PHF20: variants seen among roughly 807,000 people sequenced by gnomAD.
The protein encoded by PHF20 is PHD finger protein 20, also known as glioma-expressed antigen 2.
Under a neutral mutation model 113.5 loss-of-function variants are expected in PHF20, and 23 were observed. That is an observed-to-expected ratio of 0.20 (90% CI 0.15 to 0.29). The LOEUF (loss-of-function observed/expected upper bound fraction) is 0.29. Ranked by LOEUF, PHF20 falls within the 10% of genes least tolerant of loss-of-function variation. PHF20 has a pLI of 1.00. For missense variants in PHF20, 943 were observed against 1,219.6 expected (o/e 0.77, Z 3.38); for synonymous variants, 434 against 457.3 (o/e 0.95, Z 0.65).
intron 1 of PHF20, among the ~76,000 whole-genome samples, chr20:35,789,003 G>C (rs1171133134): frequency 6.6e-6 from 1 of 152,210 alleles, no homozygotes; most frequent in African/African-American, 2.4e-5. Flanking sequence ...TCAGCATAGA[G>C]TGATGAATGC....
intron 6 of PHF20, among the ~76,000 whole-genome samples, chr20:35,869,226 T>G (rs771690926): frequency 6.6e-6 from 1 of 152,182 alleles, no homozygotes; most frequent in African/African-American, 2.4e-5. Context: ...AGGAGGTCAA[T>G]TGGCAAGGTA....
chr20:35,845,057 C>T (rs890815257), intron 3 of PHF20, among the ~76,000 whole-genome samples: 1 of 152,070 alleles, frequency 6.6e-6, no homozygotes, highest in Non-Finnish European at 1.5e-5. Flanking sequence ...AGTTCTGGAC[C>T]CTGGCTTGCC....
chr20:35,908,204 C>T (rs956169931), intron 10 of PHF20, among the ~76,000 whole-genome samples: 1 of 152,218 alleles, frequency 6.6e-6, no homozygotes, highest in African/African-American at 2.4e-5. Flanking sequence ...CTGCAGGAGA[C>T]TTCCTGTGCA....
At chr20:35,796,016 A>C (rs2041659897) in intron 1 of PHF20, among the ~76,000 whole-genome samples, 1 of 151,950 alleles carries the variant, frequency 6.6e-6, no homozygotes. Flanking sequence ...ATGCCCAGCT[A>C]ATTTTTGTAT....
At chr20:35,872,251 G>C (rs939363876) in intron 9 of PHF20, among the ~76,000 whole-genome samples, 2 of 151,598 alleles carry the variant, frequency 1.3e-5, no homozygotes, top group Non-Finnish European at 2.9e-5. Context: ...GGCTGGGCGC[G>C]ATGGCTCATG....
At chr20:35,835,910 A>G (rs1184774352) in intron 2 of PHF20, among the ~76,000 whole-genome samples, 5 of 152,222 alleles carry the variant, frequency 3.3e-5, no homozygotes, top group African/African-American at 1.2e-4. Flanking sequence ...AGCCTGGGCA[A>G]CAGCATGAGA....
At chr20:35,857,901 T>TA (rs2042867699) in intron 4 of PHF20, among the ~76,000 whole-genome samples, 1 of 152,188 alleles carries the variant, frequency 6.6e-6, no homozygotes, top group African/African-American at 2.4e-5. Flanking sequence ...TGAGAGCTAT[T>TA]ACTGCCCCCG....
intron 1 of PHF20, among the ~76,000 whole-genome samples, chr20:35,790,539 G>A (rs929139178): frequency 3.7e-4 from 57 of 152,122 alleles, no homozygotes; most frequent in African/African-American, 1.4e-3. Context: ...CCTATATGAT[G>A]GTTTGAAGTA....
intron 1 of PHF20, among the ~76,000 whole-genome samples, chr20:35,797,875 C>T (rs1053998727): frequency 6.6e-6 from 1 of 151,902 alleles, no homozygotes; most frequent in Non-Finnish European, 1.5e-5. Flanking sequence ...TTGTCTCGAT[C>T]TCTTGACCTT....
intron 13 of PHF20, among the ~76,000 whole-genome samples, chr20:35,925,260 C>CT (rs763188818): frequency 0.014 from 1,899 of 134,808 alleles, 36 homozygotes; most frequent in East Asian, 0.039. Flanking sequence ...TTTATTGAGA[C>CT]TTTTTTTTTT....
intron 1 of PHF20, among the ~76,000 whole-genome samples, chr20:35,778,081 TTTTA>T (rs1265404559): frequency 6.6e-6 from 1 of 152,040 alleles, no homozygotes; most frequent in Non-Finnish European, 1.5e-5. Flanking sequence ...TTTTTATTAA[TTTTA>T]TTTATTTATT....
intron 7 of PHF20, among the ~76,000 whole-genome samples, chr20:35,870,294 A>T (rs2054396430): frequency 7.7e-6 from 1 of 130,096 alleles, no homozygotes; most frequent in African/African-American, 3.0e-5. Context: ...AGAGAGCGAG[A>T]CTCCGTCTCA....
chr20:35,918,053 A>G (rs1398050167), intron 13 of PHF20, among the ~76,000 whole-genome samples: 2 of 152,128 alleles, frequency 1.3e-5, no homozygotes, highest in Non-Finnish European at 2.9e-5. Context: ...TTAAGATCCA[A>G]AGTCATGCAG....
chr20:35,810,505 G>C (rs941073869), intron 2 of PHF20, among the ~76,000 whole-genome samples: 1 of 152,132 alleles, frequency 6.6e-6, no homozygotes, highest in African/African-American at 2.4e-5. Context: ...CACTGAGAGG[G>C]AGACTACCTG....
At chr20:35,935,717 C>T (rs1484114445) in intron 15 of PHF20, among the ~76,000 whole-genome samples, 1 of 152,156 alleles carries the variant, frequency 6.6e-6, no homozygotes, top group Non-Finnish European at 1.5e-5. Context: ...AGAGAAATTA[C>T]TTTGTTTGTA....
chr20:35,921,076 A>T (rs1043311103), intron 13 of PHF20, among the ~76,000 whole-genome samples: 2 of 152,190 alleles, frequency 1.3e-5, no homozygotes. Flanking sequence ...GACTTGGAGC[A>T]CTTCAGTGGC....
intron 2 of PHF20, among the ~76,000 whole-genome samples, chr20:35,836,945 C>T (rs1477796262): frequency 4.6e-5 from 7 of 152,044 alleles, no homozygotes; most frequent in Non-Finnish European, 5.9e-5. Flanking sequence ...CCAAGGCCAG[C>T]GATCGCTTGA....
At chr20:35,825,992 T>C (rs913171773) in intron 2 of PHF20, among the ~76,000 whole-genome samples, 23 of 152,192 alleles carry the variant, frequency 1.5e-4, no homozygotes. Context: ...GTCCCTCTCC[T>C]ACCCCCAAAG....
At chr20:35,873,707 G>A (rs558329715) in intron 9 of PHF20, among the ~76,000 whole-genome samples, 1 of 151,536 alleles carries the variant, frequency 6.6e-6, no homozygotes, top group Admixed American at 6.6e-5. Flanking sequence ...TATTATTTGT[G>A]TTTTGTTGTT....
Sources: allele counts gnomAD v4.1 joint callset (sites outside exome capture counted in the v4.1 genomes callset), GRCh38; gene constraint gnomAD v4.1.1; transcripts MANE v1.5; gene names NCBI Gene and HGNC (gene_info 2026-07-23, HGNC 2026-07-21).